Variants in STRAP observed in about 807,000 individuals in gnomAD.
STRAP encodes the protein serine-threonine kinase receptor-associated protein.
STRAP carries 16 observed loss-of-function variants against 47.0 expected under a neutral mutation model. That is an observed-to-expected ratio of 0.34 (90% CI 0.23 to 0.52). The LOEUF is 0.52. STRAP is among the 20% of genes least tolerant of loss of function. STRAP has a pLI of 0.96. For synonymous variants in STRAP, 130 were observed against 142.7 expected, an observed-to-expected ratio of 0.91 and a Z score of 0.63; for missense variants, 293 against 420.0, an observed-to-expected ratio of 0.70 and a Z score of 2.64.
rs533187689 is a variant in STRAP, at chr12:15,883,757, T to C, written c.248+81T>C. The C allele has an allele frequency of 1.3e-4, 200 of 1,539,942 alleles. 3 individuals carry two copies. The South Asian group carries it at 2.3e-3, about 17-fold the overall frequency. On this transcript the variant is annotated intron_variant, in intron 2 of 9. Transcript: ENST00000419869. ...TAATCAAAAACTTCAGTGTCAGATA[T>C]TCATAAAATTCTGACTCACTGGCTG... is the stretch of plus-strand genomic sequence containing the variant.
chr12:15,898,136 G>T, intron 7 of STRAP, 118 bp downstream of exon 7: 1 of 937,292 alleles, frequency 1.1e-6, no homozygotes, highest in Non-Finnish European at 1.5e-6. Context: ...AAATTTTTCA[G>T]CTAACTTAAG....
At chr12:15,900,400 C>A (rs1948093692) in intron 8 of STRAP, among the ~76,000 whole-genome samples, 1 of 151,742 alleles carries the variant, frequency 6.6e-6, no homozygotes, top group African/African-American at 2.4e-5. Context: ...TGTGGTGGTA[C>A]ATGCCTGTAA....
intron 4 of STRAP, among the ~76,000 whole-genome samples, chr12:15,893,414 T>TA (rs1020666285): frequency 2.7e-5 from 4 of 147,496 alleles, no homozygotes; most frequent in Non-Finnish European, 6.0e-5. Flanking sequence ...ATATAATAAA[T>TA]ACTTTTTATT....
rs995196321 is a variant in STRAP, at chr12:15,882,530, C to T, written c.-178C>T. ...TGCTTGCTGGTCGCAGACTCCCTGA[C>T]CCCTCCCTCACCCCTCCCTAACCTC... On this transcript the variant is annotated 5_prime_UTR_variant, in exon 1 of 10. Transcript: ENST00000419869. 3.5e-6 allele frequency: 2 copies of T among 571,508 alleles called. No homozygotes were observed. The highest frequency in any genetic ancestry group is 4.0e-5 in the South Asian group (2 of 50,584). The allele number at this position is 571,508 out of a possible 1,614,324, so 35.4% of individuals were successfully genotyped here.
chr12:15,900,859 G>C lies in STRAP; in HGVS notation c.926-88G>C, dbSNP rs560128854. On this transcript the variant is annotated intron_variant, in intron 8 of 9. Coordinates refer to ENST00000419869, the MANE Select transcript of STRAP (RefSeq NM_007178.4). Reference sequence around the variant, plus strand: ...ATTTTGTAGCCATTTTCCTGGAATAGTCTTATGTTGCTCTTCTTGCTTATT... The same window carrying C: ...ATTTTGTAGCCATTTTCCTGGAATACTCTTATGTTGCTCTTCTTGCTTATT... 4 of 1,038,072 alleles carry C rather than the reference G, an allele frequency of 3.9e-6. No homozygotes were observed. The African/African-American group carries it at 4.9e-5, about 13-fold the overall frequency. The allele number at this position is 1,038,072 out of a possible 1,614,324, so 64.3% of individuals were successfully genotyped here.
At chr12:15,886,136 T>C (rs1947970682) in intron 2 of STRAP, among the ~76,000 whole-genome samples, 1 of 152,148 alleles carries the variant, frequency 6.6e-6, no homozygotes, top group Non-Finnish European at 1.5e-5. Flanking sequence ...GCATTGGCAC[T>C]AGGTGGGCTT....
chr12:15,885,215 G>T (rs1326896413), intron 2 of STRAP, among the ~76,000 whole-genome samples: 1 of 126,284 alleles, frequency 7.9e-6, no homozygotes, highest in Non-Finnish European at 1.5e-5. Flanking sequence ...TAAAGACAGA[G>T]TCTTGCTATG....
intron 1 of STRAP, chr12:15,883,192 C>T: frequency 6.8e-7 from 1 of 1,459,866 alleles, no homozygotes; most frequent in African/African-American, 1.4e-5. Context: ...CAAAGACGTT[C>T]GCTCTTGTCT....
intron 8 of STRAP, 58 bp downstream of exon 8, chr12:15,900,111 T>G: frequency 6.7e-7 from 1 of 1,494,046 alleles, no homozygotes; most frequent in Non-Finnish European, 9.1e-7. Context: ...TATGTCATTT[T>G]TAATCATTAA....
intron 8 of STRAP, 108 bp from the exon 9 acceptor site, chr12:15,900,839 G>T: frequency 2.1e-5 from 15 of 710,898 alleles, no homozygotes; most frequent in East Asian, 7.0e-5. Context: ...ATTATATTTT[G>T]TAGCCATTTT....
At chr12:15,897,220 T>C (rs1235006575) in intron 6 of STRAP, among the ~76,000 whole-genome samples, 1 of 152,240 alleles carries the variant, frequency 6.6e-6, no homozygotes, top group East Asian at 1.9e-4. Flanking sequence ...TATAATGTTT[T>C]GTATTGGAGG....
At chr12:15,882,868 AG>A (rs765013754) in intron 1 of STRAP, 49 bp downstream of exon 1, 34 of 1,560,596 alleles carry the variant, frequency 2.2e-5, no homozygotes, top group South Asian at 1.6e-4. Flanking sequence ...CTGGGCTGAA[AG>A]GGATCGGGAC....
chr12:15,898,100 A>G, intron 7 of STRAP, 82 bp downstream of exon 7: 1 of 1,214,146 alleles, frequency 8.2e-7, no homozygotes, highest in East Asian at 3.2e-5. Context: ...ATATATATAT[A>G]TATGTTACAT....
rs117710703 is a variant in STRAP at position 15,890,751 on chromosome 12, T to C, written c.403+82T>C. 19 of 1,271,652 alleles carry C rather than the reference T, an allele frequency of 1.5e-5. No individual in the cohort carries two copies. Among genetic ancestry groups the C allele is most frequent in the Non-Finnish European group, 2.1e-5 (19 of 904,736 alleles). The allele number at this position is 1,271,652 out of a possible 1,614,324, so 78.8% of individuals were successfully genotyped here. A position where few individuals can be genotyped will look rare whatever the true frequency, so the allele number is the denominator to read the frequency against. ...GATTAAAGAATTTCATGCTCAGTAC[T>C]CAAATTTGGAAAATAAAGATAGTCA... On this transcript the variant is annotated intron_variant, in intron 4 of 9. Transcript: ENST00000419869. The surrounding 1 kb of genome is among the most constrained non-coding windows in gnomAD (Gnocchi z 4.5).
At chr12:15,885,524 G>T (rs1236668457) in intron 2 of STRAP, among the ~76,000 whole-genome samples, 1 of 146,806 alleles carries the variant, frequency 6.8e-6, no homozygotes, top group Admixed American at 6.7e-5. Context: ...TCACACTAAG[G>T]AGCAATTGTA....
intron 4 of STRAP, among the ~76,000 whole-genome samples, chr12:15,893,549 ATATT>A (rs974654822): frequency 5.4e-5 from 8 of 147,048 alleles, no homozygotes; most frequent in East Asian, 1.9e-4. Flanking sequence ...TAATGCTTTT[ATATT>A]TATTATACTT....
intron 8 of STRAP, 56 bp downstream of exon 8, chr12:15,900,109 T>C: frequency 6.7e-7 from 1 of 1,500,590 alleles, no homozygotes; most frequent in East Asian, 2.4e-5. Context: ...TTTATGTCAT[T>C]TTTAATCATT....
chr12:15,886,133 C>T (rs2136107797), intron 2 of STRAP, among the ~76,000 whole-genome samples: 1 of 152,010 alleles, frequency 6.6e-6, no homozygotes. Flanking sequence ...CAAGCATTGG[C>T]ACTAGGTGGG....
intron 4 of STRAP, among the ~76,000 whole-genome samples, chr12:15,893,719 A>G (rs1488998391): frequency 6.7e-6 from 1 of 149,412 alleles, no homozygotes; most frequent in Non-Finnish European, 1.5e-5. Context: ...AATAAATATA[A>G]AATACTTTTT....
Sources: allele counts gnomAD v4.1 joint callset (sites outside exome capture counted in the v4.1 genomes callset), GRCh38; gene constraint gnomAD v4.1.1; non-coding constraint Gnocchi (gnomAD v3.1); transcripts MANE v1.5; gene names NCBI Gene and HGNC (gene_info 2026-07-23, HGNC 2026-07-21).